TRIM3: variants seen among roughly 807,000 people sequenced by gnomAD.
The protein encoded by TRIM3 is tripartite motif containing 3.
In TRIM3, 13 loss-of-function variants were observed where a neutral mutation model predicts 66.6. The observed-to-expected ratio is 0.20, with a 90% CI of 0.13 to 0.31. TRIM3 has a LOEUF of 0.31. Ranked by LOEUF, TRIM3 falls within the 10% of genes least tolerant of loss-of-function variation. The pLI, the probability that TRIM3 is intolerant of heterozygous loss-of-function variation, is 1.00. For synonymous variants in TRIM3, 406 were observed against 411.7 expected (o/e 0.99, Z 0.17); for missense variants, 711 against 1,020.4 (o/e 0.70, Z 4.13).
chr11:6,456,742 C>A lies in TRIM3; in HGVS notation c.984G>T (p.Thr328=). 6.2e-7 allele frequency: 1 copy of A among 1,610,864 alleles called. No homozygotes were observed. Among genetic ancestry groups the A allele is most frequent in the Non-Finnish European group, 8.5e-7 (1 of 1,179,738 alleles). ...CTAGCGCCTGGCGCAGGCCCTCTCC[C>A]GTGGCCACCGTTTCGTGTGCAGTGG... ...TSATAHETVA[T]GEGLRQALVG... is the part of the protein sequence containing the mutation. Residue 328 remains threonine, a synonymous_variant, in exon 6 of 12, where the codon ACG becomes ACT. Transcript: ENST00000345851. This position sits in a 1 kb window ranked among gnomAD's most constrained non-coding sequence, Gnocchi z 6.4.
At chr11:6,461,744 A>G (rs1850250110) in intron 2 of TRIM3, among the ~76,000 whole-genome samples, 1 of 152,088 alleles carries the variant, frequency 6.6e-6, no homozygotes, top group African/African-American at 2.4e-5. Flanking sequence ...TGTCAAGTGT[A>G]CCTGGCTCAC....
chr11:6,460,880 TTTTTG>T lies in TRIM3; in HGVS notation c.132-2589_132-2585del, dbSNP rs1434518675. On this transcript the variant is annotated intron_variant, in intron 2 of 11. Transcript: ENST00000345851. ...AACTTATTTAATTGTGTTTTCTTTG[TTTTTG>T]TTTTTTTGGTGGCTTTTTTTTTTTT... 4.8e-4 allele frequency among the ~76,000 whole-genome samples: 73 copies of T among 151,030 alleles called. 1 individual carries two copies. The highest frequency in any genetic ancestry group is 1.8e-3 in the African/African-American group (72 of 41,126).
rs1850079187 is a variant in TRIM3, at chr11:6,458,168, T to G, written c.260A>C (p.Glu87Ala). ...QNNFFISSLM[E>A]AMQQAPDGAH... ...CCCATCAGGTGCCTGCTGCATTGCC[T>G]CCATGAGGCTGCTGATGAAGAAGTT... is the stretch of plus-strand genomic sequence containing the variant. The change falls in exon 3 of 12, where the codon GAG becomes GCG. Residue 87 changes from glutamate (E) to alanine (A), a missense_variant. Glu to Ala is a moderately radical substitution (Grantham distance 107). Coordinates refer to ENST00000345851, the MANE Select transcript of TRIM3 (RefSeq NM_033278.4). This position sits in a 1 kb window ranked among gnomAD's most constrained non-coding sequence, Gnocchi z 6.2. 4 of 1,614,126 alleles carry G rather than the reference T, an allele frequency of 2.5e-6. No homozygotes were observed. The highest frequency in any genetic ancestry group is 2.5e-6 in the Non-Finnish European group (3 of 1,180,018).
chr11:6,468,739 T>A (rs1850566555), intron 1 of TRIM3, among the ~76,000 whole-genome samples: 1 of 152,188 alleles, frequency 6.6e-6, no homozygotes, highest in African/African-American at 2.4e-5. Context: ...TGGCAGGGAT[T>A]TGGTCATGAA....
intron 2 of TRIM3, among the ~76,000 whole-genome samples, chr11:6,464,433 C>T (rs1187474806): frequency 1.3e-5 from 2 of 152,202 alleles, no homozygotes; most frequent in Non-Finnish European, 2.9e-5. Flanking sequence ...CCTGATTCTC[C>T]AAACTATAAC....
In TRIM3 at chr11:6,448,984, C is replaced by T. The variant is rs1849610537; in HGVS notation, c.*44G>A. On this transcript the variant is annotated 3_prime_UTR_variant, in exon 12 of 12. Coordinates refer to ENST00000345851, the MANE Select transcript of TRIM3 (RefSeq NM_033278.4). ...CAGCCAGACCCTCTTGTCCAATCACCCCAATGTCTGTCCCTCCACAAGCCA... is the reference window on the plus strand; with the variant it reads ...CAGCCAGACCCTCTTGTCCAATCACTCCAATGTCTGTCCCTCCACAAGCCA... 5 of 1,608,860 alleles carry T rather than the reference C, an allele frequency of 3.1e-6. No individual in the cohort carries two copies. In the African/African-American group the frequency reaches 6.7e-5, roughly 22 times the overall value.
In TRIM3 at chr11:6,458,794, G is replaced by A. The variant is rs79771020; in HGVS notation, c.132-498C>T. Among the ~76,000 whole-genome samples the A allele has an allele frequency of 2.7e-3, 410 of 151,920 alleles. 2 individuals are homozygous for A. Among genetic ancestry groups the A allele is most frequent in the African/African-American group, 9.3e-3 (382 of 41,182 alleles). On this transcript the variant is annotated intron_variant, in intron 2 of 11. Coordinates refer to ENST00000345851, the MANE Select transcript of TRIM3 (RefSeq NM_033278.4). The surrounding 1 kb of genome is among the most constrained non-coding windows in gnomAD (Gnocchi z 6.2). The stretch of plus-strand genomic sequence containing the variant: ...AGGGAATGGGTCCTGGAGCTAGGCT[G>A]CCCAGGCCCAACACCCCGTTGGTCA...
chr11:6,457,120 C>T lies in TRIM3; in HGVS notation c.697-91G>A. On this transcript the variant is annotated intron_variant, in intron 5 of 11. Coordinates refer to ENST00000345851, the MANE Select transcript of TRIM3 (RefSeq NM_033278.4). The surrounding 1 kb of genome is among the most constrained non-coding windows in gnomAD (Gnocchi z 4.5). ...AGTTGTAGCACTGTGGCATAAAATA[C>T]AAGAGGGTGCCTGTGGACAGAGGAC... 3 of 1,531,270 alleles carry T rather than the reference C, an allele frequency of 2.0e-6. No individual in the cohort carries two copies. The highest frequency in any genetic ancestry group is 1.8e-5 in the Admixed American group (1 of 55,750). The allele number at this position is 1,531,270 out of a possible 1,614,324, so 94.9% of individuals were successfully genotyped here.
Position 6,465,674 on chromosome 11 carries a change from G to A in TRIM3, c.22C>T (p.Pro8Ser), listed in dbSNP as rs1053241710. 6.2e-7 allele frequency: 1 copy of A among 1,614,124 alleles called. No individual in the cohort carries two copies. The highest frequency in any genetic ancestry group is 1.1e-5 in the South Asian group (1 of 91,080). The stretch of plus-strand genomic sequence containing the variant: ...TCCATTGGCTGGACCTCTGGGCCAG[G>A]GCTGTCCTCCCTCTTTGCCATGGCG... MAKREDS[P>S]GPEVQPMDKQ... The change falls in exon 2 of 12, where the codon CCT (proline) becomes TCT (serine). Residue 8 changes from proline (P) to serine (S), a missense_variant. Physicochemically the swap from Pro to Ser is moderately conservative, Grantham distance 74. Coordinates refer to ENST00000345851, the MANE Select transcript of TRIM3 (RefSeq NM_033278.4).
At position 6,457,000 on chromosome 11, in the gene TRIM3, G is replaced by A. The variant is rs375600890; in HGVS notation, c.726C>T (p.Arg242=). Residue 242 remains arginine, a synonymous_variant, in exon 6 of 12, where the codon CGC becomes CGT. Coordinates refer to ENST00000345851, the MANE Select transcript of TRIM3 (RefSeq NM_033278.4). This position sits in a 1 kb window ranked among gnomAD's most constrained non-coding sequence, Gnocchi z 6.4. ...KVLQSQLDTL[R]QGQEHIGSSC... is the part of the protein sequence containing the mutation. ...TACTGCCGATGTGTTCCTGACCCTG[G>A]CGCAGTGTGTCCAGCTGGCTTTGCA... 79 of 1,596,634 alleles carry A rather than the reference G, an allele frequency of 4.9e-5. No individual in the cohort carries two copies. The African/African-American group carries it at 9.9e-4, about 20-fold the overall frequency.
rs148456994 is a variant in TRIM3 at position 6,469,659 on chromosome 11, T to A, written c.-37-3927A>T. Among the ~76,000 whole-genome samples the A allele has an allele frequency of 4.5e-4, 69 of 152,314 alleles. 1 individual carries two copies. In the East Asian group the frequency reaches 6.7e-3, roughly 15 times the overall value. On this transcript the variant is annotated intron_variant, in intron 1 of 11. Transcript: ENST00000345851. ...TTCAGCATTCACTTGACACTGCTGC[T>A]AGGCCTGGGGACACAAAGACAAATA...
At chr11:6,461,755 G>A (rs896085360) in intron 2 of TRIM3, among the ~76,000 whole-genome samples, 24 of 151,998 alleles carry the variant, frequency 1.6e-4, no homozygotes, top group African/African-American at 5.6e-4. Flanking sequence ...CCTGGCTCAC[G>A]ATAGCTTCCT....
intron 2 of TRIM3, among the ~76,000 whole-genome samples, chr11:6,460,248 T>C (rs1437669952): frequency 6.6e-6 from 1 of 152,068 alleles, no homozygotes; most frequent in African/African-American, 2.4e-5. Context: ...TGAGGGTACT[T>C]TGTCTGTAGG....
rs897722496 is a variant in TRIM3, at chr11:6,458,733, A to G, written c.132-437T>C. Among the ~76,000 whole-genome samples the G allele has an allele frequency of 1.3e-5, 2 of 152,206 alleles. No individual in the cohort carries two copies. Among genetic ancestry groups the G allele is most frequent in the African/African-American group, 4.8e-5 (2 of 41,444 alleles). On this transcript the variant is annotated intron_variant, in intron 2 of 11. Transcript: ENST00000345851. This position sits in a 1 kb window ranked among gnomAD's most constrained non-coding sequence, Gnocchi z 6.2. ...CTTCCCATCTACAGAGAAAAAAGTC[A>G]CAGGAATAGTACAGAAGTAAATAGC...
chr11:6,469,208 G>C (rs1190130332), intron 1 of TRIM3, among the ~76,000 whole-genome samples: 1 of 152,174 alleles, frequency 6.6e-6, no homozygotes, highest in East Asian at 1.9e-4. Context: ...GGGTCCTGCT[G>C]GGGTAGCTGG....
Position 6,448,975 on chromosome 11 carries a change from T to G in TRIM3, c.*53A>C. 6.2e-7 allele frequency: 1 copy of G among 1,602,690 alleles called. No individual in the cohort carries two copies. The highest frequency in any genetic ancestry group is 8.5e-7 in the Non-Finnish European group (1 of 1,170,758). On this transcript the variant is annotated 3_prime_UTR_variant, in exon 12 of 12. Transcript: ENST00000345851. The stretch of plus-strand genomic sequence containing the variant: ...CCCACCTCCCAGCCAGACCCTCTTG[T>G]CCAATCACCCCAATGTCTGTCCCTC...
At chr11:6,469,122 C>T (rs955492722) in intron 1 of TRIM3, among the ~76,000 whole-genome samples, 5 of 152,110 alleles carry the variant, frequency 3.3e-5, no homozygotes, top group African/African-American at 1.2e-4. Context: ...GGCGGAAGGA[C>T]CAGGAGGCGG....
intron 7 of TRIM3, chr11:6,453,168 C>G (rs910238231): frequency 6.6e-6 from 1 of 152,208 alleles, no homozygotes; most frequent in African/African-American, 2.4e-5. Flanking sequence ...AGTAGGCATT[C>G]AACAAATGAA....
chr11:6,451,638 G>C (rs1222473065), intron 7 of TRIM3, 200 bp from the exon 8 acceptor site: 15 of 587,464 alleles, frequency 2.6e-5, no homozygotes, highest in Non-Finnish European at 9.0e-6. Context: ...GTGAGAACAT[G>C]AAGGGATGAA....
Sources: allele counts gnomAD v4.1 joint callset (sites outside exome capture counted in the v4.1 genomes callset), GRCh38; gene constraint gnomAD v4.1.1; non-coding constraint Gnocchi (gnomAD v3.1); transcripts MANE v1.5; gene names NCBI Gene and HGNC (gene_info 2026-07-23, HGNC 2026-07-21).